HEPACAM: variants seen among roughly 807,000 people sequenced by gnomAD.
HEPACAM encodes the protein hepatocyte cell adhesion molecule.
A neutral mutation model predicts 38.3 loss-of-function variants in HEPACAM; 18 were observed. The ratio of observed to expected loss-of-function variants is 0.47; its 90% CI spans 0.33 to 0.70. The LOEUF (loss-of-function observed/expected upper bound fraction) is 0.70. Among genes scored for constraint, HEPACAM ranks in the 30% least tolerant of loss-of-function variants. The pLI is 0.03. For missense variants in HEPACAM, 466 were observed against 563.0 expected, an observed-to-expected ratio of 0.83 and a Z score of 1.74; for synonymous variants, 216 against 243.1, an observed-to-expected ratio of 0.89 and a Z score of 1.04.
intron 1 of HEPACAM, among the ~76,000 whole-genome samples, chr11:124,934,752 T>C (rs1433814115): frequency 6.6e-6 from 1 of 152,088 alleles, no homozygotes; most frequent in Non-Finnish European, 1.5e-5. Context: ...AGAAAATGAA[T>C]ACAAACTTCC....
At position 124,919,920 on chromosome 11, in the gene HEPACAM, T is replaced by C. The variant is rs768666007; in HGVS notation, c.*1218A>G. On this transcript the variant is annotated 3_prime_UTR_variant, in exon 7 of 7. Transcript: ENST00000298251. ...TTAATTGCCCTCTCTCCTCACACAG[T>C]AGATTACTGCCACTCCTATGAACTG... is the stretch of plus-strand genomic sequence containing the variant. 3 of 1,614,040 alleles carry C rather than the reference T, an allele frequency of 1.9e-6. No individual in the cohort carries two copies. Among genetic ancestry groups the C allele is most frequent in the Non-Finnish European group, 2.5e-6 (3 of 1,180,000 alleles).
chr11:124,932,188 A>G (rs2135406818), intron 1 of HEPACAM, among the ~76,000 whole-genome samples: 1 of 152,312 alleles, frequency 6.6e-6, no homozygotes, highest in South Asian at 2.1e-4. Flanking sequence ...CTGTATCTTT[A>G]GGCTAAATGT....
In HEPACAM at chr11:124,922,365, GCAC is replaced by G; in HGVS notation, c.948+20_948+22del. 6.2e-7 allele frequency: 1 copy of G among 1,608,832 alleles called. No homozygotes were observed. Among genetic ancestry groups the G allele is most frequent in the Non-Finnish European group, 8.5e-7 (1 of 1,175,224 alleles). On this transcript the variant is annotated intron_variant, in intron 6 of 6. Coordinates refer to ENST00000298251, the MANE Select transcript of HEPACAM (RefSeq NM_152722.5). ...GGAGGGGATCACTGCATGTTTCTGGGCACCCAGTCCAGAGCCGCTCACCTTGTC... is the reference window on the plus strand; with the variant it reads ...GGAGGGGATCACTGCATGTTTCTGGGCCAGTCCAGAGCCGCTCACCTTGTC...
At chr11:124,929,958 T>C (rs1223251284) in intron 1 of HEPACAM, among the ~76,000 whole-genome samples, 4 of 152,222 alleles carry the variant, frequency 2.6e-5, no homozygotes, top group Admixed American at 1.3e-4. Context: ...ATATGTGTTC[T>C]AGGATTTGGT....
At chr11:124,931,975 A>G (rs1015875946) in intron 1 of HEPACAM, among the ~76,000 whole-genome samples, 18 of 152,268 alleles carry the variant, frequency 1.2e-4, no homozygotes, top group Non-Finnish European at 2.2e-4. Flanking sequence ...GTTCAGACAT[A>G]GAAGACTGAA....
chr11:124,932,953 A>G (rs1947295955), intron 1 of HEPACAM, among the ~76,000 whole-genome samples: 1 of 152,178 alleles, frequency 6.6e-6, no homozygotes, highest in African/African-American at 2.4e-5. Flanking sequence ...GTCTGAAACT[A>G]CAATGGGCTA....
intron 1 of HEPACAM, among the ~76,000 whole-genome samples, chr11:124,934,533 C>T (rs192564145): frequency 1.1e-3 from 169 of 151,244 alleles, no homozygotes; most frequent in Non-Finnish European, 1.9e-3. Context: ...ACGGGGAATG[C>T]CATACCAAGA....
At chr11:124,932,189 G>A (rs1234884118) in intron 1 of HEPACAM, among the ~76,000 whole-genome samples, 1 of 152,074 alleles carries the variant, frequency 6.6e-6, no homozygotes, top group Non-Finnish European at 1.5e-5. Flanking sequence ...TGTATCTTTA[G>A]GCTAAATGTA....
At chr11:124,925,605 A>C (rs1279742328) in intron 1 of HEPACAM, among the ~76,000 whole-genome samples, 1 of 152,212 alleles carries the variant, frequency 6.6e-6, no homozygotes, top group Non-Finnish European at 1.5e-5. Context: ...AGACAGTGCC[A>C]GTAAAGGGAA....
At chr11:124,922,529 G>C (rs936431499) in intron 5 of HEPACAM, 71 bp from the exon 6 acceptor site, 1 of 1,597,732 alleles carries the variant, frequency 6.3e-7, no homozygotes, top group Admixed American at 1.7e-5. Context: ...CCTACTCTCT[G>C]TGCTTCCCGA....
chr11:124,922,104 C>T (rs775833312), intron 6 of HEPACAM, among the ~76,000 whole-genome samples: 2 of 152,200 alleles, frequency 1.3e-5, no homozygotes, highest in Non-Finnish European at 2.9e-5. Flanking sequence ...TCTCGATTCT[C>T]GTAGGAGCAC....
At chr11:124,931,234 G>T (rs1382187962) in intron 1 of HEPACAM, among the ~76,000 whole-genome samples, 1 of 152,008 alleles carries the variant, frequency 6.6e-6, no homozygotes, top group Non-Finnish European at 1.5e-5. Context: ...CAGTGACAAG[G>T]TGTCACCCTA....
chr11:124,920,397 G>A lies in HEPACAM; in HGVS notation c.*741C>T. ...TGAACAGAGACAGAAAGAGTGCTTG[G>A]CATGGCATGCCTCCGAGGGAGGCTG... On this transcript the variant is annotated 3_prime_UTR_variant, in exon 7 of 7. Coordinates refer to ENST00000298251, the MANE Select transcript of HEPACAM (RefSeq NM_152722.5). The A allele has an allele frequency of 6.5e-6, 10 of 1,548,494 alleles. No homozygotes were observed. Among genetic ancestry groups the A allele is most frequent in the Non-Finnish European group, 7.9e-6 (9 of 1,146,292 alleles).
At position 124,919,993 on chromosome 11, in the gene HEPACAM, C is replaced by G; in HGVS notation, c.*1145G>C. 1 of 1,613,142 alleles carries G rather than the reference C, an allele frequency of 6.2e-7. No homozygotes were observed. On this transcript the variant is annotated 3_prime_UTR_variant, in exon 7 of 7. Transcript: ENST00000298251. ...ATGTCCTGGCTACACAGCGGCCCAGCCTCTTTATTTTGATGTTAGTGTGAT... is the reference window on the plus strand; with the variant it reads ...ATGTCCTGGCTACACAGCGGCCCAGGCTCTTTATTTTGATGTTAGTGTGAT...
intron 1 of HEPACAM, among the ~76,000 whole-genome samples, chr11:124,927,806 G>A (rs1020901072): frequency 1.3e-5 from 2 of 152,040 alleles, no homozygotes; most frequent in East Asian, 3.9e-4. Flanking sequence ...CAGGAAAATC[G>A]CTTGAACCTG....
Position 124,921,379 on chromosome 11 carries a change from G to A in HEPACAM, c.1010C>T (p.Pro337Leu), listed in dbSNP as rs1591547032. 5 of 1,272,218 alleles carry A rather than the reference G, an allele frequency of 3.9e-6. No individual in the cohort carries two copies. In the South Asian group the frequency reaches 1.5e-4, roughly 38 times the overall value. 78.8% of individuals were successfully genotyped at this position (1,272,218 alleles called of 1,614,324 possible). A position where few individuals can be genotyped will look rare whatever the true frequency, so the allele number is the denominator to read the frequency against. ...PEPRSATEPG[P>L]PGYSVSPAVP... The stretch of plus-strand genomic sequence containing the variant: ...GGCGGGAGACACGGAGTAGCCGGGC[G>A]GGCCGGGCTCCGTCGCGCTTCGAGG... The change falls in exon 7 of 7, where the codon CCG becomes CTG. Residue 337 changes from proline (P) to leucine (L), a missense_variant. By Grantham distance (98) the Pro-to-Leu change is moderately conservative (BLOSUM62 -3). Transcript: ENST00000298251. The surrounding 1 kb of genome is among the most constrained non-coding windows in gnomAD (Gnocchi z 4.6).
Position 124,920,548 on chromosome 11 carries a change from G to A in HEPACAM, c.*590C>T. 2 of 1,380,458 alleles carry A rather than the reference G, an allele frequency of 1.4e-6. No individual in the cohort carries two copies. Among genetic ancestry groups the A allele is most frequent in the Non-Finnish European group, 1.9e-6 (2 of 1,048,062 alleles). The allele number at this position is 1,380,458 out of a possible 1,614,324, so 85.5% of individuals were successfully genotyped here. ...AGGTCCCCAGGTACCAGGTGCCCAG[G>A]GAAGAAGGCCTTCACAATGATCCCC... On this transcript the variant is annotated 3_prime_UTR_variant, in exon 7 of 7. Coordinates refer to ENST00000298251, the MANE Select transcript of HEPACAM (RefSeq NM_152722.5).
rs1947096254 is a variant in HEPACAM at position 124,919,647 on chromosome 11, C to G, written c.*1491G>C. 7.5e-7 allele frequency: 1 copy of G among 1,333,450 alleles called. No individual in the cohort carries two copies. Among genetic ancestry groups the G allele is most frequent in the Non-Finnish European group, 1.0e-6 (1 of 969,754 alleles). 82.6% of individuals were successfully genotyped at this position (1,333,450 alleles called of 1,614,324 possible). On this transcript the variant is annotated 3_prime_UTR_variant, in exon 7 of 7. Coordinates refer to ENST00000298251, the MANE Select transcript of HEPACAM (RefSeq NM_152722.5). ...ATGAGCCTGGGGAAGTGCCGAGGGACAGGGAGCTGAGACAGGCATGCTGTG... is the reference window on the plus strand; with the variant it reads ...ATGAGCCTGGGGAAGTGCCGAGGGAGAGGGAGCTGAGACAGGCATGCTGTG...
intron 1 of HEPACAM, among the ~76,000 whole-genome samples, chr11:124,934,316 C>G (rs746267485): frequency 1.3e-5 from 2 of 152,006 alleles, no homozygotes; most frequent in Non-Finnish European, 2.9e-5. Context: ...TCCTATTTCT[C>G]TCTTGATCTA....
Sources: allele counts gnomAD v4.1 joint callset (sites outside exome capture counted in the v4.1 genomes callset), GRCh38; gene constraint gnomAD v4.1.1; non-coding constraint Gnocchi (gnomAD v3.1); transcripts MANE v1.5; gene names NCBI Gene and HGNC (gene_info 2026-07-23, HGNC 2026-07-21).